ACOX3: variants seen among roughly 807,000 people sequenced by gnomAD.
The protein encoded by ACOX3 is peroxisomal acyl-coenzyme A oxidase 3.
In ACOX3, 73 loss-of-function variants were observed where a neutral mutation model predicts 81.5. That is an observed-to-expected ratio of 0.90 (90% CI 0.74 to 1.09). ACOX3 has a LOEUF of 1.09. Ranked by LOEUF, ACOX3 falls within the 50% of genes least tolerant of loss-of-function variation. The probability of loss-of-function intolerance (pLI) is 0.00; values close to 1 mark genes in which losing one functional copy is unlikely to be tolerated. For missense variants in ACOX3, 947 were observed against 928.0 expected (o/e 1.02, Z -0.27); for synonymous variants, 387 against 375.1 (o/e 1.03, Z -0.37).
In ACOX3 at chr4:8,400,705, A is replaced by G. The variant is rs1156323388; in HGVS notation, c.777-1053T>C. Among the ~76,000 whole-genome samples the G allele has an allele frequency of 1.3e-5, 2 of 152,176 alleles. No individual in the cohort carries two copies. The highest frequency in any genetic ancestry group is 4.8e-5 in the African/African-American group (2 of 41,412). On this transcript the variant is annotated intron_variant, in intron 7 of 17. Transcript: ENST00000356406. The surrounding 1 kb of genome is among the most constrained non-coding windows in gnomAD (Gnocchi z 4.4). ...CCCCAAAACAAACTTCAAAATATCA[A>G]TAGTTCCTATAGCAACTTGTCTGAT...
intron 11 of ACOX3, among the ~76,000 whole-genome samples, chr4:8,390,750 T>A (rs574192671): frequency 6.6e-6 from 1 of 152,272 alleles, no homozygotes; most frequent in Non-Finnish European, 1.5e-5. Flanking sequence ...TCACGTACTG[T>A]GACTGATGGA....
chr4:8,415,340 A>G (rs1487751275), intron 3 of ACOX3, among the ~76,000 whole-genome samples: 3 of 152,252 alleles, frequency 2.0e-5, no homozygotes, highest in Non-Finnish European at 2.9e-5. Flanking sequence ...ATTTTGCCCA[A>G]GCTCAGCTCT....
intron 1 of ACOX3, among the ~76,000 whole-genome samples, chr4:8,428,099 C>T (rs1723676562): frequency 6.6e-6 from 1 of 152,248 alleles, no homozygotes; most frequent in Non-Finnish European, 1.5e-5. Flanking sequence ...GAATCACTTC[C>T]CTTTCGTGAA....
rs933542402 is a variant in ACOX3, at chr4:8,414,593, G to A, written c.454-212C>T. ...ACCAAGCTGACCGCAGCTGCTCCAC[G>A]TCAGCAAGGTGGCAGGAACTGCTCA... On this transcript the variant is annotated intron_variant, in intron 4 of 17. Transcript: ENST00000356406. This position sits in a 1 kb window ranked among gnomAD's most constrained non-coding sequence, Gnocchi z 6.1. Among the ~76,000 whole-genome samples the A allele has an allele frequency of 4.6e-5, 7 of 152,192 alleles. No individual in the cohort carries two copies. The highest frequency in any genetic ancestry group is 9.7e-5 in the African/African-American group (4 of 41,440).
chr4:8,436,916 T>C (rs1413022779), intron 1 of ACOX3, among the ~76,000 whole-genome samples: 2 of 143,908 alleles, frequency 1.4e-5, no homozygotes, highest in African/African-American at 2.6e-5. Flanking sequence ...TGTGTGAACC[T>C]GGGAGGTGGA....
chr4:8,358,596 C>A, the ACOX3 span, among the ~76,000 whole-genome samples: 5 of 152,186 alleles, frequency 3.3e-5, no homozygotes, highest in African/African-American at 4.8e-5. Context: ...GCACAAGATA[C>A]AGGTCTTAAA....
intron 11 of ACOX3, 48 bp downstream of exon 11, chr4:8,392,285 C>T: frequency 7.1e-7 from 1 of 1,411,240 alleles, no homozygotes; most frequent in Non-Finnish European, 9.3e-7. Context: ...TAGAGTCAAA[C>T]AGCAGGGCTA....
chr4:8,361,550 C>T (rs896952045), downstream of ACOX3, among the ~76,000 whole-genome samples: 21 of 140,906 alleles, frequency 1.5e-4, no homozygotes, highest in Admixed American at 1.2e-3. Flanking sequence ...TGGGTGTGAA[C>T]AAATGGGCTA....
At chr4:8,383,493 G>C (rs73209461) in intron 13 of ACOX3, among the ~76,000 whole-genome samples, 2,981 of 152,308 alleles carry the variant, frequency 0.02, 46 homozygotes, top group Non-Finnish European at 0.032. Context: ...AGTCACAGAG[G>C]AGGCAAAGGC....
In ACOX3 at chr4:8,394,505, GCT is replaced by G; in HGVS notation, c.1179+113_1179+114del. 1 of 1,454,240 alleles carries G rather than the reference GCT, an allele frequency of 6.9e-7. No homozygotes were observed. The highest frequency in any genetic ancestry group is 9.2e-7 in the Non-Finnish European group (1 of 1,088,686). 90.1% of individuals were successfully genotyped at this position (1,454,240 alleles called of 1,614,324 possible). ...AGTGGGTGGGAACAACTGGAGGAAT[GCT>G]CTGTCCTCGCAAATCAAAGGACTGA... On this transcript the variant is annotated intron_variant, in intron 10 of 17. Transcript: ENST00000356406. The surrounding 1 kb of genome is among the most constrained non-coding windows in gnomAD (Gnocchi z 5.9).
In ACOX3 at chr4:8,386,805, A is replaced by T. The variant is rs1414950872; in HGVS notation, c.1537+2368T>A. Among the ~76,000 whole-genome samples, 1 of 152,206 alleles carries T rather than the reference A, an allele frequency of 6.6e-6. No homozygotes were observed. The highest frequency in any genetic ancestry group is 2.4e-5 in the African/African-American group (1 of 41,460). ...GGGAAGCCGGACCGGCCCAGGCTCC[A>T]CACCGGCTTCGGCCACGGCTGTTGT... On this transcript the variant is annotated intron_variant, in intron 13 of 17. Coordinates refer to ENST00000356406, the MANE Select transcript of ACOX3 (RefSeq NM_003501.3). The surrounding 1 kb of genome is among the most constrained non-coding windows in gnomAD (Gnocchi z 5.2).
rs933043321 is a variant in ACOX3, at chr4:8,381,261, G to C, written c.1653+231C>G. Reference sequence around the variant, plus strand: ...TGGTTTACGGGCTGGGAACCGTCAGGCACGGTAAATGTAACATCCATGACC... The same window carrying C: ...TGGTTTACGGGCTGGGAACCGTCAGCCACGGTAAATGTAACATCCATGACC... On this transcript the variant is annotated intron_variant, in intron 14 of 17. Transcript: ENST00000356406. The surrounding 1 kb of genome is among the most constrained non-coding windows in gnomAD (Gnocchi z 4.3). 3.9e-5 allele frequency among the ~76,000 whole-genome samples: 6 copies of C among 152,116 alleles called. No homozygotes were observed. Among genetic ancestry groups the C allele is most frequent in the African/African-American group, 9.7e-5 (4 of 41,424 alleles).
intron 17 of ACOX3, among the ~76,000 whole-genome samples, chr4:8,367,958 C>T (rs1004742018): frequency 4.0e-5 from 6 of 151,588 alleles, no homozygotes; most frequent in African/African-American, 9.7e-5. Context: ...TGCCACTGCA[C>T]CCCAGCCTGG....
rs1243105006 is a variant in ACOX3, at chr4:8,407,767, G to A, written c.688-1724C>T. 6.6e-6 allele frequency among the ~76,000 whole-genome samples: 1 copy of A among 152,248 alleles called. No individual in the cohort carries two copies. Among genetic ancestry groups the A allele is most frequent in the Non-Finnish European group, 1.5e-5 (1 of 68,040 alleles). On this transcript the variant is annotated intron_variant, in intron 6 of 17. Coordinates refer to ENST00000356406, the MANE Select transcript of ACOX3 (RefSeq NM_003501.3). The surrounding 1 kb of genome is among the most constrained non-coding windows in gnomAD (Gnocchi z 4.6). ...GCTCCCCAAGATACAGGTCCAGCCA[G>A]CTAATGGCTGCGCACTGTGGGAACT...
In ACOX3 at chr4:8,382,969, C is replaced by T. The variant is rs377116085; in HGVS notation, c.1538-1362G>A. ...TCGCGCCACTGCACTCCAGCCTGGGCGACAGAGCGAGACTCCGTCTCAAAA... is the reference window on the plus strand; with the variant it reads ...TCGCGCCACTGCACTCCAGCCTGGGTGACAGAGCGAGACTCCGTCTCAAAA... On this transcript the variant is annotated intron_variant, in intron 13 of 17. Transcript: ENST00000356406. This position sits in a 1 kb window ranked among gnomAD's most constrained non-coding sequence, Gnocchi z 4.1. 2.6e-3 allele frequency among the ~76,000 whole-genome samples: 341 copies of T among 132,730 alleles called. 13 individuals carry two copies. The East Asian group carries it at 0.057, about 22-fold the overall frequency. 87.1% of individuals were successfully genotyped at this position (132,730 alleles called of 152,430 possible). A position where few individuals can be genotyped will look rare whatever the true frequency, so the allele number is the denominator to read the frequency against.
intron 8 of ACOX3, among the ~76,000 whole-genome samples, chr4:8,397,933 G>T (rs900748911): frequency 1.3e-5 from 2 of 152,244 alleles, no homozygotes; most frequent in African/African-American, 2.4e-5. Context: ...GGCTGAGGTG[G>T]GCAGATCACC....
intron 8 of ACOX3, among the ~76,000 whole-genome samples, chr4:8,398,023 T>C (rs969265609): frequency 2.0e-5 from 3 of 152,138 alleles, no homozygotes; most frequent in African/African-American, 7.2e-5. Context: ...TAGCCAGGCC[T>C]GGCGGCGGGT....
intron 3 of ACOX3, among the ~76,000 whole-genome samples, chr4:8,415,161 T>C (rs893729113): frequency 1.8e-4 from 27 of 152,172 alleles, no homozygotes; most frequent in Admixed American, 1.7e-3. Flanking sequence ...ATGTGAGTGG[T>C]AAGACCTACA....
At chr4:8,364,634 T>G (rs1715317592), downstream of ACOX3, among the ~76,000 whole-genome samples, 4 of 152,352 alleles carry the variant, frequency 2.6e-5, no homozygotes, top group South Asian at 8.3e-4. This position sits in a 1 kb window ranked among gnomAD's most constrained non-coding sequence, Gnocchi z 5.0. Flanking sequence ...GGTGACATCG[T>G]GACATCACAA....
Sources: gnomAD v4.1 joint callset for allele counts (sites outside exome capture counted in the v4.1 genomes callset) on GRCh38, gnomAD v4.1.1 for gene constraint, Gnocchi (gnomAD v3.1) non-coding constraint, MANE v1.5 for transcripts, NCBI Gene and HGNC (gene_info 2026-07-23, HGNC 2026-07-21) for gene names.